KCNH1: variants seen among roughly 807,000 people sequenced by gnomAD.
KCNH1 encodes potassium voltage-gated channel subfamily H member 1, also known as voltage-gated delayed rectifier potassium channel KCNH1.
KCNH1 carries 27 observed loss-of-function variants against 69.2 expected under a neutral mutation model. The observed-to-expected ratio is 0.39, with a 90% CI of 0.29 to 0.54. KCNH1 has a LOEUF of 0.54. Ranked by LOEUF, KCNH1 falls within the 20% of genes least tolerant of loss-of-function variation. The probability of loss-of-function intolerance (pLI) is 0.68; values close to 1 mark genes in which losing one functional copy is unlikely to be tolerated. For synonymous variants in KCNH1, 456 were observed against 487.7 expected, an observed-to-expected ratio of 0.93 and a Z score of 0.86; for missense variants, 798 against 1,261.6, an observed-to-expected ratio of 0.63 and a Z score of 5.57.
At chr1:211,034,496 T>C (rs952018062) in intron 5 of KCNH1, among the ~76,000 whole-genome samples, 1 of 152,172 alleles carries the variant, frequency 6.6e-6, no homozygotes, top group African/African-American at 2.4e-5. Context: ...GAAAATATTC[T>C]GTACCTTGAC....
intron 10 of KCNH1, among the ~76,000 whole-genome samples, chr1:210,741,930 A>G (rs1683042367): frequency 6.6e-6 from 1 of 152,172 alleles, no homozygotes; most frequent in African/African-American, 2.4e-5. Context: ...AAGAGCATGG[A>G]TGGGATTCCT....
At chr1:210,791,608 C>T (rs1349329633) in intron 9 of KCNH1, among the ~76,000 whole-genome samples, 3 of 152,198 alleles carry the variant, frequency 2.0e-5, no homozygotes, top group Non-Finnish European at 1.5e-5. Context: ...CCCAGTTCAA[C>T]TTCTACCTCC....
At chr1:210,761,790 T>C (rs1234510656) in intron 10 of KCNH1, among the ~76,000 whole-genome samples, 1 of 152,148 alleles carries the variant, frequency 6.6e-6, no homozygotes, top group Non-Finnish European at 1.5e-5. Flanking sequence ...AGTCACGAAA[T>C]AATAGTGGGG....
chr1:210,759,220 G>GAGAGGGAACCAGTGCA, intron 10 of KCNH1, among the ~76,000 whole-genome samples: 1 of 148,678 alleles, frequency 6.7e-6, no homozygotes, highest in South Asian at 2.1e-4. Flanking sequence ...TCTCTCAGGT[G>GAGAGGGAACCAGTGCA]AGAGGGAACC....
chr1:210,690,585 T>G (rs184696943), intron 10 of KCNH1, among the ~76,000 whole-genome samples: 222 of 152,208 alleles, frequency 1.5e-3, no homozygotes, highest in Middle Eastern at 3.4e-3. Flanking sequence ...AAACTGCAGA[T>G]GGGCAGATAG....
chr1:211,099,684 C>T (rs1022758898), intron 3 of KCNH1, among the ~76,000 whole-genome samples: 6 of 152,162 alleles, frequency 3.9e-5, no homozygotes, highest in African/African-American at 1.4e-4. Flanking sequence ...CTTTCAAAAT[C>T]ACTCAGCAAA....
intron 5 of KCNH1, among the ~76,000 whole-genome samples, chr1:211,067,859 G>C (rs1041806001): frequency 1.3e-5 from 2 of 152,174 alleles, no homozygotes; most frequent in Admixed American, 6.5e-5. Context: ...TTACCACCAG[G>C]TGACCTCGAA....
chr1:211,024,861 A>G (rs1215624610), intron 5 of KCNH1, among the ~76,000 whole-genome samples: 1 of 152,050 alleles, frequency 6.6e-6, no homozygotes, highest in African/African-American at 2.4e-5. Flanking sequence ...TGAGCCCAGC[A>G]TGCTGGCTGG....
intron 5 of KCNH1, among the ~76,000 whole-genome samples, chr1:211,031,174 C>G (rs1290241840): frequency 6.6e-6 from 1 of 152,062 alleles, no homozygotes; most frequent in Non-Finnish European, 1.5e-5. Flanking sequence ...ACACATACAC[C>G]TTCCCAAGAC....
At chr1:210,809,490 T>C (rs765389841) in intron 7 of KCNH1, among the ~76,000 whole-genome samples, 2 of 152,060 alleles carry the variant, frequency 1.3e-5, no homozygotes, top group Non-Finnish European at 2.9e-5. Flanking sequence ...TTAAATAAGC[T>C]ATAGGAGGGA....
At chr1:210,842,970 A>G (rs1205543764) in intron 7 of KCNH1, among the ~76,000 whole-genome samples, 2 of 152,174 alleles carry the variant, frequency 1.3e-5, no homozygotes, top group African/African-American at 4.8e-5. Context: ...CCCACCACCC[A>G]CATTTCCTCA....
intron 7 of KCNH1, among the ~76,000 whole-genome samples, chr1:210,817,237 C>T (rs912848097): frequency 1.3e-5 from 2 of 152,162 alleles, no homozygotes; most frequent in African/African-American, 4.8e-5. Flanking sequence ...TCATATCTGA[C>T]AAAACTATTC....
intron 3 of KCNH1, 104 bp from the exon 4 acceptor site, chr1:211,090,794 T>A: frequency 9.4e-7 from 1 of 1,068,606 alleles, no homozygotes. Flanking sequence ...AATTCATTTT[T>A]TAAATGGTCT....
chr1:210,853,920 C>T (rs1401323836), intron 7 of KCNH1, among the ~76,000 whole-genome samples: 3 of 89,168 alleles, frequency 3.4e-5, no homozygotes, highest in Admixed American at 1.6e-4. Flanking sequence ...TTTAATATGC[C>T]TAGCAGTAAA....
chr1:210,778,862 C>G (rs1683915987), intron 9 of KCNH1, among the ~76,000 whole-genome samples: 2 of 152,144 alleles, frequency 1.3e-5, no homozygotes, highest in Admixed American at 1.3e-4. Flanking sequence ...GAGTGTTATA[C>G]TTTTCAAATG....
intron 10 of KCNH1, among the ~76,000 whole-genome samples, chr1:210,689,522 C>T (rs570441627): frequency 7.2e-5 from 11 of 152,350 alleles, no homozygotes; most frequent in South Asian, 4.1e-4. Context: ...AATAAAAATA[C>T]ATATGTAATG....
At chr1:210,886,781 G>A (rs182360422) in intron 7 of KCNH1, among the ~76,000 whole-genome samples, 27 of 151,922 alleles carry the variant, frequency 1.8e-4, no homozygotes, top group Admixed American at 1.4e-3. Flanking sequence ...TCGATCAAGC[G>A]GAAGAAAGGA....
At chr1:210,983,694 G>A (rs891544199) in intron 6 of KCNH1, among the ~76,000 whole-genome samples, 8 of 152,182 alleles carry the variant, frequency 5.3e-5, no homozygotes, top group African/African-American at 1.9e-4. Context: ...GTAGTTTGAA[G>A]TCAGGTAGCG....
Position 210,703,845 on chromosome 1 carries a change from T to TAATTA in KCNH1, c.2113-19712_2113-19708dup, listed in dbSNP as rs577042811. Among the ~76,000 whole-genome samples the TAATTA allele has an allele frequency of 4.4e-3, 676 of 152,320 alleles. 3 individuals carry two copies. Among genetic ancestry groups the TAATTA allele is most frequent in the Admixed American group, 7.3e-3 (112 of 15,304 alleles). ...CTCGGGCTTGTGCTTAGTTTCTAAT[T>TAATTA]AATTATACTGTGAATTGGCCCAGCC... On this transcript the variant is annotated intron_variant, in intron 10 of 10. Transcript: ENST00000271751.
Sources: allele counts gnomAD v4.1 joint callset (sites outside exome capture counted in the v4.1 genomes callset), GRCh38; gene constraint gnomAD v4.1.1; transcripts MANE v1.5; gene names NCBI Gene and HGNC (gene_info 2026-07-23, HGNC 2026-07-21).